Variants in F5 observed in about 807,000 individuals in gnomAD.
F5 encodes activated protein c cofactor.
A neutral mutation model predicts 216.4 loss-of-function variants in F5; 138 were observed. The observed-to-expected ratio is 0.64, with a 90% CI of 0.56 to 0.73. The LOEUF is 0.73. Ranked by LOEUF, F5 falls within the 30% of genes least tolerant of loss-of-function variation. The pLI is 0.00. For synonymous variants in F5, 916 were observed against 930.7 expected, an observed-to-expected ratio of 0.98 and a Z score of 0.29; for missense variants, 2,403 against 2,674.0, an observed-to-expected ratio of 0.90 and a Z score of 2.24.
chr1:169,549,974 T>C lies in F5; in HGVS notation c.1438A>G (p.Thr480Ala). The change falls in exon 10 of 25, where the codon ACC becomes GCC. Residue 480 changes from threonine (T) to alanine (A), a missense_variant. Thr to Ala is a moderately conservative substitution (Grantham distance 58). Around this residue, in one of 4 missense-constraint regions of F5, gnomAD observed 1,425 missense variants for 1,554.8 expected, o/e 0.92. Coordinates refer to ENST00000367797, the MANE Select transcript of F5 (RefSeq NM_000130.5). ...AAGATGTTCCACTTATAAGTATAGG[T>C]TTCCCCTGGTTGAACTGCTCTGATC... ...TMIRAVQPGE[T>A]YTYKWNILEF... 6.2e-7 allele frequency: 1 copy of C among 1,614,124 alleles called. No individual in the cohort carries two copies. The highest frequency in any genetic ancestry group is 8.5e-7 in the Non-Finnish European group (1 of 1,180,020).
chr1:169,547,254 G>C (rs1660030926), intron 10 of F5, among the ~76,000 whole-genome samples: 1 of 152,166 alleles, frequency 6.6e-6, no homozygotes, highest in Non-Finnish European at 1.5e-5. Context: ...AGACAACCTA[G>C]GCAATATTAT....
chr1:169,541,218 T>C lies in F5; in HGVS notation c.3872A>G (p.Gln1291Arg), dbSNP rs1659838654. Residue 1291 changes from glutamine (Q) to arginine (R), a missense_variant, in exon 13 of 25, where the codon CAG becomes CGG. Physicochemically the swap from Gln to Arg is conservative, Grantham distance 43. This residue lies in a region of F5 where 1,425 missense variants were observed against 1,554.8 expected (regional missense o/e 0.92). Transcript: ENST00000367797. The stretch of plus-strand genomic sequence containing the variant: ...GCTGAGTTCTGGAGAGAGGTTTGTC[T>C]GGCTGAAGTCTAGAGAAAGGGTTGT... ...SHTTLSLDFS[Q>R]TNLSPELSHM... 6.3e-7 allele frequency: 1 copy of C among 1,591,912 alleles called. No homozygotes were observed. The highest frequency in any genetic ancestry group is 2.3e-5 in the East Asian group (1 of 44,274).
chr1:169,518,958 A>C (rs1432637231), intron 22 of F5, among the ~76,000 whole-genome samples: 1 of 152,210 alleles, frequency 6.6e-6, no homozygotes, highest in Non-Finnish European at 1.5e-5. Context: ...CTATATATAA[A>C]AATACTCTGT....
rs142735979 is a variant in F5 at position 169,533,975 on chromosome 1, G to A, written c.4971+2531C>T. Among the ~76,000 whole-genome samples the A allele has an allele frequency of 7.2e-5, 11 of 152,184 alleles. No individual in the cohort carries two copies. In the South Asian group the frequency reaches 1.2e-3, roughly 17 times the overall value. On this transcript the variant is annotated intron_variant, in intron 14 of 24. Transcript: ENST00000367797. ...GAAATCCACAAGCAGACAGCCCGGCGCCACACCCTGGACCTGGTAGTTAAA... is the reference window on the plus strand; with the variant it reads ...GAAATCCACAAGCAGACAGCCCGGCACCACACCCTGGACCTGGTAGTTAAA...
chr1:169,586,479 A>G lies in F5; in HGVS notation c.-93T>C. On this transcript the variant is annotated 5_prime_UTR_variant, in exon 1 of 25. Transcript: ENST00000367797. ...CCACACTCCGGGCTGTCCCAGCTGC[A>G]ATGAGCTCTAGAGGCTGTGGGTGGC... The G allele has an allele frequency of 4.6e-6, 7 of 1,520,250 alleles. No homozygotes were observed. The highest frequency in any genetic ancestry group is 1.9e-5 in the Admixed American group (1 of 51,566). The allele number at this position is 1,520,250 out of a possible 1,614,324, so 94.2% of individuals were successfully genotyped here.
chr1:169,561,442 C>T (rs752886457), intron 3 of F5, among the ~76,000 whole-genome samples: 1 of 152,090 alleles, frequency 6.6e-6, no homozygotes, highest in Admixed American at 6.6e-5. Flanking sequence ...ACTTTCCCTA[C>T]TGATAGGAGA....
chr1:169,564,990 G>A (rs1177821080), intron 3 of F5, among the ~76,000 whole-genome samples: 1 of 151,998 alleles, frequency 6.6e-6, no homozygotes, highest in Non-Finnish European at 1.5e-5. Flanking sequence ...TCTCTCTTCA[G>A]TCTTATCATA....
chr1:169,582,931 A>T (rs963340309), intron 1 of F5, among the ~76,000 whole-genome samples: 5 of 152,238 alleles, frequency 3.3e-5, no homozygotes, highest in Non-Finnish European at 7.3e-5. Flanking sequence ...ACTGGGGAAC[A>T]TTGTGAAAAA....
Position 169,550,005 on chromosome 1 carries a change from G to A in F5, c.1407C>T (p.Asn469=). Reference sequence around the variant, plus strand: ...CTGGTTGAACTGCTCTGATCATGGTGTTGTTCCTGCCTGAAAGAAAATATA... The same window carrying A: ...CTGGTTGAACTGCTCTGATCATGGTATTGTTCCTGCCTGAAAGAAAATATA... The part of the protein sequence containing the change: ...VNSSFTSGRN[N]TMIRAVQPGE... Residue 469 remains asparagine, a synonymous_variant, in exon 10 of 25, where the codon AAC becomes AAT. Transcript: ENST00000367797. 1 of 1,613,608 alleles carries A rather than the reference G, an allele frequency of 6.2e-7. No homozygotes were observed.
chr1:169,550,697 G>A lies in F5; in HGVS notation c.1339C>T (p.Pro447Ser), dbSNP rs757591979. 1.9e-6 allele frequency: 3 copies of A among 1,613,984 alleles called. No homozygotes were observed. The highest frequency in any genetic ancestry group is 2.5e-6 in the Non-Finnish European group (3 of 1,179,930). Residue 447 changes from proline to serine, a missense_variant, in exon 9 of 25, where the codon CCT becomes TCT. Pro to Ser is a moderately conservative substitution (Grantham distance 74). Transcript: ENST00000367797. The part of the protein sequence containing the change: ...NMASRPYSIY[P>S]HGVTFSPYED... Reference sequence around the variant, plus strand: ...TAAGGCGAGAAGGTCACTCCATGAGGGTAAATGCTATAGGGGCGGCTGGCC... The same window carrying A: ...TAAGGCGAGAAGGTCACTCCATGAGAGTAAATGCTATAGGGGCGGCTGGCC...
Position 169,538,074 on chromosome 1 carries a change from C to A in F5, c.4797-1394G>T, listed in dbSNP as rs1659748531. Among the ~76,000 whole-genome samples, 5 of 151,948 alleles carry A rather than the reference C, an allele frequency of 3.3e-5. 1 individual carries two copies. In the South Asian group the frequency reaches 1.0e-3, roughly 32 times the overall value. ...CACATTAGCCAAGATAGGGAAGCAA[C>A]CCAAATGTCTATAAACAAATGAATG... is the stretch of plus-strand genomic sequence containing the variant. On this transcript the variant is annotated intron_variant, in intron 13 of 24. Coordinates refer to ENST00000367797, the MANE Select transcript of F5 (RefSeq NM_000130.5).
intron 7 of F5, among the ~76,000 whole-genome samples, chr1:169,553,750 G>A (rs1011315415): frequency 6.6e-6 from 1 of 152,058 alleles, no homozygotes; most frequent in Non-Finnish European, 1.5e-5. Context: ...GCAATGAGAT[G>A]CCCTCTCATG....
chr1:169,549,613 T>C (rs557071926), intron 10 of F5, among the ~76,000 whole-genome samples, 188 bp downstream of exon 10: 5 of 146,880 alleles, frequency 3.4e-5, no homozygotes, highest in South Asian at 2.2e-4. Flanking sequence ...GCAGTGATGG[T>C]ACTGATAAAA....
intron 3 of F5, among the ~76,000 whole-genome samples, chr1:169,570,845 C>A (rs1447024287): frequency 6.6e-6 from 1 of 152,016 alleles, no homozygotes; most frequent in Non-Finnish European, 1.5e-5. Context: ...GATTTCACGA[C>A]AACAAACCTG....
At chr1:169,559,096 A>T in intron 5 of F5, 57 bp downstream of exon 5, 1 of 1,603,088 alleles carries the variant, frequency 6.2e-7, no homozygotes, top group Non-Finnish European at 8.5e-7. Context: ...AGAAAACAGG[A>T]CCGAAAAATT....
At chr1:169,524,318 C>T (rs1382650541) in intron 19 of F5, among the ~76,000 whole-genome samples, 1 of 152,108 alleles carries the variant, frequency 6.6e-6, no homozygotes, top group African/African-American at 2.4e-5. Context: ...GGAGGTTCAA[C>T]AAAGTTTTCT....
chr1:169,548,895 C>T (rs959365776), intron 10 of F5, among the ~76,000 whole-genome samples: 1 of 150,912 alleles, frequency 6.6e-6, no homozygotes, highest in African/African-American at 2.4e-5. Context: ...AAAAACAAAT[C>T]CCAAAAGAAA....
At chr1:169,549,694 A>T in intron 10 of F5, 107 bp downstream of exon 10, 1 of 780,818 alleles carries the variant, frequency 1.3e-6, no homozygotes, top group Non-Finnish European at 2.2e-6. Flanking sequence ...CTTGACAATT[A>T]CTGTTCTCTT....
chr1:169,550,263 A>C (rs1660131167), intron 9 of F5, among the ~76,000 whole-genome samples: 1 of 137,036 alleles, frequency 7.3e-6, no homozygotes, highest in African/African-American at 2.8e-5. Context: ...TATATCTCCT[A>C]ATGCTATCCC....
Sources: allele counts gnomAD v4.1 joint callset (sites outside exome capture counted in the v4.1 genomes callset), GRCh38; gene constraint gnomAD v4.1.1; regional missense constraint gnomAD v4.1.1; transcripts MANE v1.5; gene names NCBI Gene and HGNC (gene_info 2026-07-23, HGNC 2026-07-21).